Variants in USP30 observed in about 807,000 individuals in gnomAD.
USP30 encodes the protein ubiquitin specific peptidase 30, also known as ubiquitin carboxyl-terminal hydrolase 30.
In USP30, 41 loss-of-function variants were observed where a neutral mutation model predicts 68.2. The ratio of observed to expected loss-of-function variants is 0.60; its 90% confidence interval spans 0.47 to 0.78. The LOEUF (loss-of-function observed/expected upper bound fraction) is 0.78, where lower values mean the gene tolerates loss of function less well. Among genes scored for constraint, USP30 ranks in the 30% least tolerant of loss-of-function variants. The pLI is 0.00. For synonymous variants in USP30, 229 were observed against 253.7 expected, an observed-to-expected ratio of 0.90 and a Z score of 0.93; for missense variants, 522 against 649.4, an observed-to-expected ratio of 0.80 and a Z score of 2.13.
At chr12:109,050,918 A>G (rs2040659113), upstream of USP30, among the ~76,000 whole-genome samples, 1 of 152,178 alleles carries the variant, frequency 6.6e-6, no homozygotes, top group Non-Finnish European at 1.5e-5. Flanking sequence ...GAGGCAGGAT[A>G]ATCGCTTGAA....
At chr12:109,076,066 T>A (rs2041594281) in intron 7 of USP30, among the ~76,000 whole-genome samples, 1 of 152,158 alleles carries the variant, frequency 6.6e-6, no homozygotes, top group Non-Finnish European at 1.5e-5. Flanking sequence ...TTGAATGGTC[T>A]TTTTAAAAAT....
At chr12:109,076,144 C>T (rs990651282) in intron 7 of USP30, among the ~76,000 whole-genome samples, 1 of 152,070 alleles carries the variant, frequency 6.6e-6, no homozygotes, top group African/African-American at 2.4e-5. Context: ...GACTATTCAT[C>T]TCTTTTTTCC....
At chr12:109,025,857 T>G (rs1438250343) in intron 2 of USP30, among the ~76,000 whole-genome samples, 1 of 151,690 alleles carries the variant, frequency 6.6e-6, no homozygotes, top group Non-Finnish European at 1.5e-5. Context: ...CTGGCTAATT[T>G]TTGTATTTTT....
At position 109,070,283 on chromosome 12, in the gene USP30, CT is replaced by C. The variant is rs950128063; in HGVS notation, c.481-1323del. 3.3e-5 allele frequency among the ~76,000 whole-genome samples: 5 copies of C among 152,060 alleles called. No individual in the cohort carries two copies. Among genetic ancestry groups the C allele is most frequent in the Non-Finnish European group, 7.4e-5 (5 of 68,014 alleles). ...TTAGGGCGTATTTTGGAGGAGGGTC[CT>C]TTTTTCAGGACTGCTGCTGAATTGG... On this transcript the variant is annotated intron_variant, in intron 4 of 12. Coordinates refer to ENST00000257548, the MANE Select transcript of USP30 (RefSeq NM_032663.5). This position sits in a 1 kb window ranked among gnomAD's most constrained non-coding sequence, Gnocchi z 4.0.
intron 4 of USP30, among the ~76,000 whole-genome samples, chr12:109,068,360 C>G (rs2041326192): frequency 1.3e-5 from 2 of 152,120 alleles, no homozygotes; most frequent in Admixed American, 6.5e-5. Flanking sequence ...TTGGACCTCC[C>G]AAAACTGTGG....
At chr12:109,082,453 T>G in intron 9 of USP30, 1 of 588,316 alleles carries the variant, frequency 1.7e-6, no homozygotes, top group Non-Finnish European at 3.0e-6. Context: ...GTGTTCGCTC[T>G]TCACATTCTC....
intron 11 of USP30, among the ~76,000 whole-genome samples, chr12:109,083,460 TC>T (rs748204443): frequency 1.3e-5 from 2 of 152,152 alleles, no homozygotes; most frequent in Non-Finnish European, 2.9e-5. Context: ...TCACTGAGCC[TC>T]TTCTGGGGGT....
intron 1 of USP30, among the ~76,000 whole-genome samples, chr12:109,056,334 A>AG (rs1202691366): frequency 6.6e-6 from 1 of 152,162 alleles, no homozygotes; most frequent in Admixed American, 6.5e-5. Flanking sequence ...CTGGGATTAC[A>AG]GGTGCACATC....
In USP30 at chr12:109,071,154, A is replaced by G. The variant is rs138418425; in HGVS notation, c.481-458A>G. ...AATGGGAAATCAGTGTTTAACAGAT[A>G]TGGAGTTTCAGCTGGGGAAGATGAG... On this transcript the variant is annotated intron_variant, in intron 4 of 12. Coordinates refer to ENST00000257548, the MANE Select transcript of USP30 (RefSeq NM_032663.5). 2.6e-3 allele frequency among the ~76,000 whole-genome samples: 392 copies of G among 152,336 alleles called. 1 individual carries two copies. The highest frequency in any genetic ancestry group is 8.7e-3 in the African/African-American group (361 of 41,582).
chr12:109,068,827 C>T (rs533982586), intron 4 of USP30, among the ~76,000 whole-genome samples: 2 of 152,292 alleles, frequency 1.3e-5, no homozygotes, highest in Admixed American at 6.5e-5. Context: ...CACGTCTGTC[C>T]GGTGGCCTTT....
At chr12:109,043,163 A>G (rs912059514) in intron 3 of USP30, among the ~76,000 whole-genome samples, 4 of 152,228 alleles carry the variant, frequency 2.6e-5, no homozygotes, top group African/African-American at 7.2e-5. Context: ...TAAAATGTCA[A>G]TACTACCCAA....
rs2041949828 is a variant in USP30 at position 109,086,433 on chromosome 12, C to T, written c.*502C>T. On this transcript the variant is annotated 3_prime_UTR_variant, in exon 13 of 13. Transcript: ENST00000257548. The stretch of plus-strand genomic sequence containing the variant: ...GTAGCACGTCCATTGTGAAATATTC[C>T]TTCCAGGCTACTCAAAGGATAGCAA... The T allele has an allele frequency of 6.4e-6, 1 of 155,068 alleles. No homozygotes were observed. The highest frequency in any genetic ancestry group is 2.4e-5 in the African/African-American group (1 of 41,460). The allele number at this position is 155,068 out of a possible 1,614,324, so 9.6% of individuals were successfully genotyped here. A position where few individuals can be genotyped will look rare whatever the true frequency, so the allele number is the denominator to read the frequency against.
intron 3 of USP30, among the ~76,000 whole-genome samples, chr12:109,034,464 T>C (rs1186313290): frequency 6.6e-6 from 1 of 152,158 alleles, no homozygotes; most frequent in Admixed American, 6.5e-5. Flanking sequence ...TGGTGGCTCA[T>C]GCCTGTAATC....
At position 109,056,677 on chromosome 12, in the gene USP30, T is replaced by C; in HGVS notation, c.84-5T>C. 6.2e-7 allele frequency: 1 copy of C among 1,600,680 alleles called. No homozygotes were observed. The highest frequency in any genetic ancestry group is 1.3e-5 in the African/African-American group (1 of 74,184). On this transcript the variant is annotated splice_region_variant and splice_polypyrimidine_tract_variant and intron_variant, in intron 1 of 12. Transcript: ENST00000257548. ...GGAAGACAGTAAACTTGTTTTCTTT[T>C]TTAGATATAAAGTCATGAAGAACTG... is the stretch of plus-strand genomic sequence containing the variant.
At chr12:109,075,436 C>T (rs893427406) in intron 7 of USP30, among the ~76,000 whole-genome samples, 1 of 152,112 alleles carries the variant, frequency 6.6e-6, no homozygotes, top group Non-Finnish European at 1.5e-5. Context: ...CTGCAACCTC[C>T]GTCTCTTGGG....
chr12:109,047,054 G>T (rs894312152), intron 3 of USP30, among the ~76,000 whole-genome samples: 2 of 152,130 alleles, frequency 1.3e-5, no homozygotes, highest in Non-Finnish European at 2.9e-5. Context: ...ATTGACTAGG[G>T]TGACCACGTA....
upstream of USP30, among the ~76,000 whole-genome samples, chr12:109,048,949 CTT>C (rs1318809228): frequency 2.0e-5 from 3 of 152,124 alleles, no homozygotes; most frequent in Admixed American, 2.0e-4. Context: ...TGTGTCTAAA[CTT>C]CTAAGGAAGA....
intron 3 of USP30, among the ~76,000 whole-genome samples, chr12:109,047,379 A>G (rs760130939): frequency 1.3e-5 from 2 of 152,148 alleles, no homozygotes; most frequent in Non-Finnish European, 2.9e-5. Context: ...CAAGAGCTAC[A>G]ACAAACAGTT....
rs1021145781 is a variant in USP30 at position 109,087,240 on chromosome 12, G to T, written c.*1309G>T. The T allele has an allele frequency of 1.3e-5, 2 of 152,028 alleles. No homozygotes were observed. Among genetic ancestry groups the T allele is most frequent in the African/African-American group, 4.8e-5 (2 of 41,370 alleles). The allele number at this position is 152,028 out of a possible 1,614,324, so 9.4% of individuals were successfully genotyped here. ...GAAAAATGGATACCAAATTCAAACC[G>T]ACTCATCAGAGGTAAGATTTGGAAT... is the stretch of plus-strand genomic sequence containing the variant. On this transcript the variant is annotated 3_prime_UTR_variant, in exon 13 of 13. Transcript: ENST00000257548.
Sources: allele counts gnomAD v4.1 joint callset (sites outside exome capture counted in the v4.1 genomes callset), GRCh38; gene constraint gnomAD v4.1.1; non-coding constraint Gnocchi (gnomAD v3.1); transcripts MANE v1.5; gene names NCBI Gene and HGNC (gene_info 2026-07-23, HGNC 2026-07-21).